TPM2: variants seen among roughly 807,000 people sequenced by gnomAD.
TPM2 encodes tropomyosin 2.
A neutral mutation model predicts 41.0 loss-of-function variants in TPM2; 26 were observed. That is an observed-to-expected ratio of 0.63 (90% CI 0.46 to 0.88). The LOEUF (loss-of-function observed/expected upper bound fraction) is 0.88, where lower values mean the gene tolerates loss of function less well. Ranked by LOEUF, TPM2 falls within the 40% of genes least tolerant of loss-of-function variation. TPM2 has a pLI of 0.00. For synonymous variants in TPM2, 143 were observed against 139.3 expected (o/e 1.03, Z -0.19); for missense variants, 187 against 355.2 (o/e 0.53, Z 3.81).
rs964103044 is a variant in TPM2 at position 35,685,885 on chromosome 9, C to T, written c.241-105G>A. Reference sequence around the variant, plus strand: ...TTCTTCTCAGAAAGAACTGAGGCTTCCTGGTTTCTAGACATTCTATGTGAT... The same window carrying T: ...TTCTTCTCAGAAAGAACTGAGGCTTTCTGGTTTCTAGACATTCTATGTGAT... On this transcript the variant is annotated intron_variant, in intron 2 of 8. Transcript: ENST00000645482. This position sits in a 1 kb window ranked among gnomAD's most constrained non-coding sequence, Gnocchi z 5.0. The T allele has an allele frequency of 1.2e-5, 19 of 1,569,124 alleles. No individual in the cohort carries two copies. The African/African-American group carries it at 2.4e-4, about 20-fold the overall frequency.
rs759069354 is a variant in TPM2, at chr9:35,689,252, G to A, written c.134C>T (p.Ala45Val). ...RCKQLEEEQQ[A>V]LQKKLKGTED... ...TGTCCCCTTCAGCTTCTTCTGGAGGGCCTGCTGCTCCTCCTCCAGCTGGGA... is the reference window on the plus strand; with the variant it reads ...TGTCCCCTTCAGCTTCTTCTGGAGGACCTGCTGCTCCTCCTCCAGCTGGGA... The change falls in exon 2 of 9, where the codon GCC (alanine) becomes GTC (valine). Residue 45 changes from alanine (A) to valine (V), a missense_variant. Physicochemically the swap from Ala to Val is moderately conservative, Grantham distance 64. Coordinates refer to ENST00000645482, the MANE Select transcript of TPM2 (RefSeq NM_003289.4). 14 of 1,614,070 alleles carry A rather than the reference G, an allele frequency of 8.7e-6. No individual in the cohort carries two copies. The highest frequency in any genetic ancestry group is 1.2e-5 in the Non-Finnish European group (14 of 1,180,038).
chr9:35,683,042 C>T lies in TPM2; in HGVS notation c.*117G>A. ...TGATGGGGGCTCTCCCTAGGCTGCT[C>T]CCAGCCTGGCTGTGCAATGTTGGCA... On this transcript the variant is annotated 3_prime_UTR_variant, in exon 9 of 9. Coordinates refer to ENST00000645482, the MANE Select transcript of TPM2 (RefSeq NM_003289.4). 1.9e-6 allele frequency: 3 copies of T among 1,550,280 alleles called. No individual in the cohort carries two copies. The highest frequency in any genetic ancestry group is 2.6e-6 in the Non-Finnish European group (3 of 1,146,606).
chr9:35,684,872 G>T, intron 5 of TPM2, 65 bp from the exon 6 acceptor site: 1 of 1,613,762 alleles, frequency 6.2e-7, no homozygotes, highest in South Asian at 1.1e-5. Flanking sequence ...CAGTGGAGAT[G>T]GCACAGCAGG....
chr9:35,685,606 C>G lies in TPM2; in HGVS notation c.374+41G>C, dbSNP rs543837663. The G allele has an allele frequency of 6.2e-7, 1 of 1,614,176 alleles. No individual in the cohort carries two copies. The highest frequency in any genetic ancestry group is 1.1e-5 in the South Asian group (1 of 91,084). On this transcript the variant is annotated intron_variant, in intron 3 of 8. Coordinates refer to ENST00000645482, the MANE Select transcript of TPM2 (RefSeq NM_003289.4). The surrounding 1 kb of genome is among the most constrained non-coding windows in gnomAD (Gnocchi z 5.0). Reference sequence around the variant, plus strand: ...GTCAGGACCAGCAGAGACAGGCTCCCTTCTCCCTCCCGGACCATCCTCCCC... The same window carrying G: ...GTCAGGACCAGCAGAGACAGGCTCCGTTCTCCCTCCCGGACCATCCTCCCC...
In TPM2 at chr9:35,686,075, ACT is replaced by A. The variant is rs1201652149; in HGVS notation, c.241-297_241-296del. On this transcript the variant is annotated intron_variant, in intron 2 of 8. Coordinates refer to ENST00000645482, the MANE Select transcript of TPM2 (RefSeq NM_003289.4). ...AGAGCAGCCTGGCCAACATGGTGAA[ACT>A]CTGTCTCTATTAAAAATAAAAAATT... Among the ~76,000 whole-genome samples, 4 of 151,938 alleles carry A rather than the reference ACT, an allele frequency of 2.6e-5. No individual in the cohort carries two copies. The East Asian group carries it at 5.8e-4, about 22-fold the overall frequency.
rs200644786 is a variant in TPM2 at position 35,685,256 on chromosome 9, C to T, written c.563+13G>A. ...GGCCAATGGGCTCACTTGTCACCCCCGGGTATCTTTACCTCTCGGCCACCT... is the reference window on the plus strand; with the variant it reads ...GGCCAATGGGCTCACTTGTCACCCCTGGGTATCTTTACCTCTCGGCCACCT... On this transcript the variant is annotated intron_variant, in intron 5 of 8. Transcript: ENST00000645482. The surrounding 1 kb of genome is among the most constrained non-coding windows in gnomAD (Gnocchi z 5.0). 5 of 1,614,226 alleles carry T rather than the reference C, an allele frequency of 3.1e-6. No homozygotes were observed. Among genetic ancestry groups the T allele is most frequent in the Non-Finnish European group, 4.2e-6 (5 of 1,180,038 alleles).
chr9:35,684,201 G>A (rs1211404885), intron 8 of TPM2, 45 bp downstream of exon 8: 1 of 1,583,254 alleles, frequency 6.3e-7, no homozygotes, highest in Non-Finnish European at 8.7e-7. Context: ...AGGACAGACT[G>A]ATAATCACGG....
At chr9:35,688,317 G>A (rs1825055566) in intron 2 of TPM2, among the ~76,000 whole-genome samples, 1 of 152,184 alleles carries the variant, frequency 6.6e-6, no homozygotes, top group African/African-American at 2.4e-5. Context: ...CATGCTTTAT[G>A]CTAATCTAAC....
intron 8 of TPM2, 59 bp from the exon 9 acceptor site, chr9:35,683,300 GAGGAA>G (rs1235373010): frequency 6.1e-6 from 9 of 1,477,814 alleles, no homozygotes; most frequent in Non-Finnish European, 8.3e-6. Context: ...TGGAGGGAAA[GAGGAA>G]AGGAAGGAGA....
Position 35,683,173 on chromosome 9 carries a change from T to C in TPM2, c.841A>G (p.Ile281Val). 1 of 1,556,098 alleles carries C rather than the reference T, an allele frequency of 6.4e-7. No individual in the cohort carries two copies. The highest frequency in any genetic ancestry group is 8.7e-7 in the Non-Finnish European group (1 of 1,148,694). Reference sequence around the variant, plus strand: ...TGGCGTGGGGCTCAGAGGGAGGTGATGTCATTGAGTGCGTTGTCCAGTTCC... The same window carrying C: ...TGGCGTGGGGCTCAGAGGGAGGTGACGTCATTGAGTGCGTTGTCCAGTTCC... Reference protein sequence around the residue: ...SEELDNALNDITSL With the variant: ...SEELDNALNDVTSL Residue 281 changes from isoleucine (I) to valine (V), a missense_variant, in exon 9 of 9, where the codon ATC (isoleucine) becomes GTC (valine). Coordinates refer to ENST00000645482, the MANE Select transcript of TPM2 (RefSeq NM_003289.4).
chr9:35,682,416 T>C, downstream of TPM2: 1 of 1,265,310 alleles, frequency 7.9e-7, no homozygotes, highest in Non-Finnish European at 1.1e-6. Context: ...CATAAACTAC[T>C]TTATCCTCTT....
rs370206135 is a variant in TPM2, at chr9:35,689,898, T to G, written c.-81A>C. 1.3e-6 allele frequency: 2 copies of G among 1,598,778 alleles called. No individual in the cohort carries two copies. Among genetic ancestry groups the G allele is most frequent in the East Asian group, 2.3e-5 (1 of 44,088 alleles). ...TGGGTGAGCGGACTGGGTGCACCGG[T>G]GGCAGGCGAGGAGGACGGAGCGGGA... On this transcript the variant is annotated 5_prime_UTR_variant, in exon 1 of 9. Transcript: ENST00000645482.
At chr9:35,688,206 G>A (rs1825042984) in intron 2 of TPM2, among the ~76,000 whole-genome samples, 1 of 152,220 alleles carries the variant, frequency 6.6e-6, no homozygotes, top group Non-Finnish European at 1.5e-5. Context: ...GACTGGTGGA[G>A]AACCAAAACT....
downstream of TPM2, chr9:35,682,382 G>C: frequency 5.8e-6 from 6 of 1,039,892 alleles, no homozygotes; most frequent in Non-Finnish European, 8.3e-6. Context: ...TGGGGTCATA[G>C]AGGTGGGGTG....
In TPM2 at chr9:35,684,547, A is replaced by C. The variant is rs1189278905; in HGVS notation, c.643T>G (p.Ser215Ala). The part of the protein sequence containing the change: ...KSLEAQADKY[S>A]TKEDKYEEEI... ...TCTTCATATTTATCTTCTTTGGTGG[A>C]ATACTTTTGGGGACACACACACGCC... is the stretch of plus-strand genomic sequence containing the variant. The change falls in exon 7 of 9, where the codon TCC (serine) becomes GCC (alanine). Residue 215 changes from serine (S) to alanine (A), a missense_variant. Coordinates refer to ENST00000645482, the MANE Select transcript of TPM2 (RefSeq NM_003289.4). The C allele has an allele frequency of 1.2e-6, 2 of 1,614,084 alleles. No individual in the cohort carries two copies. The highest frequency in any genetic ancestry group is 3.3e-5 in the Admixed American group (2 of 60,016).
rs1824866710 is a variant in TPM2, at chr9:35,685,725, A to G, written c.296T>C (p.Leu99Pro). Residue 99 changes from leucine to proline, a missense_variant, in exon 3 of 9, where the codon CTG becomes CCG. Leu to Pro is a moderately conservative substitution (Grantham distance 98, BLOSUM62 -3). Transcript: ENST00000645482. The surrounding 1 kb of genome is among the most constrained non-coding windows in gnomAD (Gnocchi z 5.0). ...NRRIQLVEEE[L>P]DRAQERLATA... is the part of the protein sequence containing the mutation. ...AGCCAGGCGCTCCTGGGCCCGGTCC[A>G]GCTCCTCCTCAACCAGCTGAATGCG... The G allele has an allele frequency of 6.2e-7, 1 of 1,614,046 alleles. No homozygotes were observed. Among genetic ancestry groups the G allele is most frequent in the Non-Finnish European group, 8.5e-7 (1 of 1,180,042 alleles).
intron 2 of TPM2, chr9:35,686,499 T>G (rs935899169): frequency 6.5e-6 from 1 of 152,806 alleles, no homozygotes; most frequent in Non-Finnish European, 1.5e-5. Context: ...CTGCTAAGAA[T>G]AGCCCGTCAC....
At position 35,689,871 on chromosome 9, in the gene TPM2, G is replaced by A. The variant is rs1825158877; in HGVS notation, c.-54C>T. 2 of 1,611,224 alleles carry A rather than the reference G, an allele frequency of 1.2e-6. No individual in the cohort carries two copies. The highest frequency in any genetic ancestry group is 2.2e-5 in the South Asian group (2 of 91,036). Reference sequence around the variant, plus strand: ...AGGCGGTGAGGACCGGACGGACTGGGCTGGGTGAGCGGACTGGGTGCACCG... The same window carrying A: ...AGGCGGTGAGGACCGGACGGACTGGACTGGGTGAGCGGACTGGGTGCACCG... On this transcript the variant is annotated 5_prime_UTR_variant, in exon 1 of 9. Coordinates refer to ENST00000645482, the MANE Select transcript of TPM2 (RefSeq NM_003289.4).
chr9:35,689,154 CCTT>C lies in TPM2; in HGVS notation c.229_231del (p.Lys77del). 6.2e-7 allele frequency: 1 copy of C among 1,614,190 alleles called. No homozygotes were observed. Among genetic ancestry groups the C allele is most frequent in the Non-Finnish European group, 8.5e-7 (1 of 1,180,018 alleles). ...CCCAAGTCCACACTCACATCAGTGG[CCTT>C]CTTCTCGGCCTGCTCCAGTTTCTCC... On this transcript the variant is annotated inframe_deletion, in exon 2 of 9. Coordinates refer to ENST00000645482, the MANE Select transcript of TPM2 (RefSeq NM_003289.4).
Sources: gnomAD v4.1 joint callset for allele counts (sites outside exome capture counted in the v4.1 genomes callset) on GRCh38, gnomAD v4.1.1 for gene constraint, Gnocchi (gnomAD v3.1) non-coding constraint, MANE v1.5 for transcripts, NCBI Gene and HGNC (gene_info 2026-07-23, HGNC 2026-07-21) for gene names.